The following COL5A3 variants were observed in gnomAD, a reference collection of about 807,000 sequenced individuals.
COL5A3 encodes collagen alpha-3(V) chain.
In COL5A3, 172 loss-of-function variants were observed where a neutral mutation model predicts 250.0. That is an observed-to-expected ratio of 0.69 (90% CI 0.61 to 0.78). The LOEUF (loss-of-function observed/expected upper bound fraction) is 0.78. COL5A3 is among the 30% of genes least tolerant of loss of function. The probability of loss-of-function intolerance (pLI) is 0.00; values close to 1 mark genes in which losing one functional copy is unlikely to be tolerated. For missense variants in COL5A3, 2,340 were observed against 2,334.4 expected (o/e 1.00, Z -0.05); for synonymous variants, 937 against 900.4 (o/e 1.04, Z -0.73).
In COL5A3 at chr19:9,967,406, G is replaced by T; in HGVS notation, c.4405-6C>A. 6.7e-7 allele frequency: 1 copy of T among 1,500,158 alleles called. No individual in the cohort carries two copies. The highest frequency in any genetic ancestry group is 8.8e-7 in the Non-Finnish European group (1 of 1,132,996). The allele number at this position is 1,500,158 out of a possible 1,614,324, so 92.9% of individuals were successfully genotyped here. A position where few individuals can be genotyped will look rare whatever the true frequency, so the allele number is the denominator to read the frequency against. On this transcript the variant is annotated splice_region_variant and splice_polypyrimidine_tract_variant and intron_variant, in intron 61 of 66. Coordinates refer to ENST00000264828, the MANE Select transcript of COL5A3 (RefSeq NM_015719.4). ...CCACGGGGGCCCATGGACCCCTGTAGGGAGAAGTCACTTGGAGAATGAACC... is the reference window on the plus strand; with the variant it reads ...CCACGGGGGCCCATGGACCCCTGTATGGAGAAGTCACTTGGAGAATGAACC...
At position 9,960,061 on chromosome 19, in the gene COL5A3, G is replaced by A; in HGVS notation, c.*350C>T. ...AAGGGCAGCGACGGAGGAGTGAGGA[G>A]GCAGGCATTGGGGGTGGGGGGGCTT... On this transcript the variant is annotated 3_prime_UTR_variant, in exon 67 of 67. Transcript: ENST00000264828. 3.5e-6 allele frequency: 1 copy of A among 286,772 alleles called. No individual in the cohort carries two copies. The highest frequency in any genetic ancestry group is 6.7e-6 in the Non-Finnish European group (1 of 148,378). The allele number at this position is 286,772 out of a possible 1,614,324, so 17.8% of individuals were successfully genotyped here. A position where few individuals can be genotyped will look rare whatever the true frequency, so the allele number is the denominator to read the frequency against.
chr19:9,984,859 T>C (rs1006519898), intron 31 of COL5A3, among the ~76,000 whole-genome samples: 3 of 151,656 alleles, frequency 2.0e-5, no homozygotes, highest in African/African-American at 4.9e-5. Flanking sequence ...GGCTCGATCA[T>C]AGCTCACTGC....
At chr19:10,007,230 A>T (rs190388227) in intron 1 of COL5A3, among the ~76,000 whole-genome samples, 82 of 133,438 alleles carry the variant, frequency 6.1e-4, no homozygotes, top group Admixed American at 5.1e-3. Context: ...CTTCTGATCA[A>T]CTCCCTCTGA....
chr19:9,992,076 G>T, intron 21 of COL5A3, 28 bp from the exon 22 acceptor site: 1 of 1,610,176 alleles, frequency 6.2e-7, no homozygotes, highest in South Asian at 1.1e-5. Flanking sequence ...GTGAGACCAA[G>T]ACAGAGCAAC....
intron 4 of COL5A3, among the ~76,000 whole-genome samples, chr19:10,005,024 C>G (rs1271331853): frequency 6.6e-6 from 1 of 151,884 alleles, no homozygotes; most frequent in Non-Finnish European, 1.5e-5. Flanking sequence ...ACTGGCACAA[C>G]TGGATCTTCC....
chr19:10,005,433 T>G, intron 4 of COL5A3, 125 bp downstream of exon 4: 2 of 953,868 alleles, frequency 2.1e-6, no homozygotes, highest in Admixed American at 4.5e-5. Flanking sequence ...TGAACTCGCT[T>G]CCCTTAGCTT....
chr19:9,984,016 C>T (rs1224347546), intron 31 of COL5A3, among the ~76,000 whole-genome samples: 1 of 151,534 alleles, frequency 6.6e-6, no homozygotes, highest in African/African-American at 2.4e-5. Flanking sequence ...CAATTATCTT[C>T]CCAAATGTCT....
intron 5 of COL5A3, 107 bp downstream of exon 5, chr19:10,003,934 C>T: frequency 9.1e-7 from 1 of 1,093,978 alleles, no homozygotes; most frequent in Non-Finnish European, 1.4e-6. Context: ...TCACGGGTCA[C>T]TTAACCCCAT....
At chr19:10,006,684 ACCT>A (rs1332052678) in intron 1 of COL5A3, among the ~76,000 whole-genome samples, 1 of 148,070 alleles carries the variant, frequency 6.8e-6, no homozygotes, top group Non-Finnish European at 1.5e-5. Flanking sequence ...CCTCTCTCTA[ACCT>A]CCTCCTTTGA....
chr19:9,966,243 G>C (rs1599526947), intron 64 of COL5A3, 71 bp downstream of exon 64: 10 of 1,128,064 alleles, frequency 8.9e-6, no homozygotes, highest in East Asian at 4.7e-5. Flanking sequence ...TCCCAGACAA[G>C]GTGGTTGTGG....
intron 1 of COL5A3, among the ~76,000 whole-genome samples, chr19:10,007,716 G>C (rs1285081673): frequency 6.6e-6 from 1 of 152,162 alleles, no homozygotes; most frequent in Non-Finnish European, 1.5e-5. Context: ...CTAAGACGTT[G>C]GGGAGGCACG....
At chr19:9,974,619 C>G (rs1409914189) in intron 45 of COL5A3, among the ~76,000 whole-genome samples, 1 of 151,964 alleles carries the variant, frequency 6.6e-6, no homozygotes, top group African/African-American at 2.4e-5. Flanking sequence ...AACAGTGAGT[C>G]GGATTTGCAG....
chr19:9,971,262 G>C lies in COL5A3; in HGVS notation c.3775-4C>G. 1 of 1,565,250 alleles carries C rather than the reference G, an allele frequency of 6.4e-7. No individual in the cohort carries two copies. On this transcript the variant is annotated splice_region_variant and splice_polypyrimidine_tract_variant and intron_variant, in intron 51 of 66. Transcript: ENST00000264828. ...CTCCGGGCAGCCCCGTGGGGCCCTG[G>C]AACACAGAATGATTAATAATCACAT...
At chr19:9,989,877 G>A (rs2087160527) in intron 24 of COL5A3, among the ~76,000 whole-genome samples, 1 of 151,992 alleles carries the variant, frequency 6.6e-6, no homozygotes, top group Non-Finnish European at 1.5e-5. Flanking sequence ...TGATTCTCCT[G>A]CCTCAGCTTC....
At chr19:9,985,243 C>T (rs1210237209) in intron 31 of COL5A3, among the ~76,000 whole-genome samples, 1 of 143,528 alleles carries the variant, frequency 7.0e-6, no homozygotes, top group African/African-American at 2.6e-5. Context: ...GAGCCACTGC[C>T]CCCGGCCACA....
At chr19:9,976,951 A>T (rs2086930537) in intron 44 of COL5A3, among the ~76,000 whole-genome samples, 1 of 152,020 alleles carries the variant, frequency 6.6e-6, no homozygotes, top group African/African-American at 2.4e-5. Context: ...AGAGGGAAGG[A>T]TGTGTCACTA....
chr19:9,996,333 C>G, intron 13 of COL5A3, 71 bp from the exon 14 acceptor site: 1 of 1,550,962 alleles, frequency 6.4e-7, no homozygotes, highest in Non-Finnish European at 8.7e-7. Context: ...GAGGCATCTT[C>G]AGGAGAAAAA....
rs758404591 is a variant in COL5A3 at position 9,971,015 on chromosome 19, G to A, written c.3842C>T (p.Ser1281Phe). 1.9e-6 allele frequency: 3 copies of A among 1,546,626 alleles called. No homozygotes were observed. Among genetic ancestry groups the A allele is most frequent in the Non-Finnish European group, 2.6e-6 (3 of 1,152,284 alleles). Residue 1281 changes from serine (S) to phenylalanine (F), a missense_variant, in exon 53 of 67, where the codon TCC (serine) becomes TTC (phenylalanine). Physicochemically the swap from Ser to Phe is radical, Grantham distance 155. Around this residue, in one of 3 missense-constraint regions of COL5A3, gnomAD observed 1,179 missense variants for 1,162.6 expected, o/e 1.01. Transcript: ENST00000264828. ...GDPGVSGIDG[S>F]PGEKGDPGDV... ...ACCAGGGTCTCCCTTCTCCCCTGGG[G>A]AACCATCTATGCCCTGCATGGGGGG...
chr19:10,007,882 C>T (rs1434850895), intron 1 of COL5A3, among the ~76,000 whole-genome samples: 1 of 151,992 alleles, frequency 6.6e-6, no homozygotes, highest in Non-Finnish European at 1.5e-5. Context: ...CTTTCTGTGC[C>T]GGGTCTTTCC....
Sources: allele counts gnomAD v4.1 joint callset (sites outside exome capture counted in the v4.1 genomes callset), GRCh38; gene constraint gnomAD v4.1.1; regional missense constraint gnomAD v4.1.1; transcripts MANE v1.5; gene names NCBI Gene and HGNC (gene_info 2026-07-23, HGNC 2026-07-21).